NDST4: variants seen among roughly 807,000 people sequenced by gnomAD.
The protein encoded by NDST4 is N-heparan sulfate sulfotransferase 4.
A neutral mutation model predicts 100.8 loss-of-function variants in NDST4; 63 were observed. The observed-to-expected ratio is 0.62, with a 90% CI of 0.51 to 0.77. NDST4 has a LOEUF of 0.77. Ranked by LOEUF, NDST4 falls within the 30% of genes least tolerant of loss-of-function variation. The pLI, the probability that NDST4 is intolerant of heterozygous loss-of-function variation, is 0.00. For synonymous variants in NDST4, 377 were observed against 361.8 expected (o/e 1.04, Z -0.48); for missense variants, 943 against 1,018.4 (o/e 0.93, Z 1.01).
intron 1 of NDST4, among the ~76,000 whole-genome samples, chr4:115,112,097 A>G (rs1231551905): frequency 1.3e-5 from 2 of 151,528 alleles, no homozygotes; most frequent in African/African-American, 4.8e-5. Context: ...ACACACACGC[A>G]CACACTCATG....
At chr4:115,077,437 T>G (rs2126290180) in intron 1 of NDST4, among the ~76,000 whole-genome samples, 155 bp from the exon 2 acceptor site, 1 of 152,306 alleles carries the variant, frequency 6.6e-6, no homozygotes, top group Middle Eastern at 3.4e-3. Flanking sequence ...CAGTCTAGAC[T>G]TAACTACCTA....
Position 114,977,168 on chromosome 4 carries a change from A to G in NDST4, c.1066+19T>C, listed in dbSNP as rs1726657354. 6.7e-7 allele frequency: 1 copy of G among 1,494,604 alleles called. No homozygotes were observed. The highest frequency in any genetic ancestry group is 2.3e-5 in the East Asian group (1 of 43,934). The allele number at this position is 1,494,604 out of a possible 1,614,324, so 92.6% of individuals were successfully genotyped here. A position where few individuals can be genotyped will look rare whatever the true frequency, so the allele number is the denominator to read the frequency against. ...CCTATTTATATGTAGCTGCCTGAGAACACAAAGCTCCTTCTTACCTGTGTG... is the reference window on the plus strand; with the variant it reads ...CCTATTTATATGTAGCTGCCTGAGAGCACAAAGCTCCTTCTTACCTGTGTG... On this transcript the variant is annotated intron_variant, in intron 3 of 13. Transcript: ENST00000264363.
intron 2 of NDST4, among the ~76,000 whole-genome samples, chr4:115,075,077 CT>C (rs1450199793): frequency 6.6e-6 from 1 of 152,088 alleles, no homozygotes; most frequent in East Asian, 1.9e-4. Context: ...CAGGCTGAAT[CT>C]GTTATTCAGT....
chr4:114,874,016 G>A (rs1247777286), intron 6 of NDST4, among the ~76,000 whole-genome samples: 2 of 151,932 alleles, frequency 1.3e-5, no homozygotes, highest in African/African-American at 2.4e-5. Context: ...TCACATTGTT[G>A]TATAACCAGC....
intron 2 of NDST4, among the ~76,000 whole-genome samples, chr4:115,035,236 G>T (rs986830279): frequency 2.6e-5 from 4 of 152,032 alleles, no homozygotes; most frequent in Admixed American, 2.6e-4. Context: ...ATTTCCGGTA[G>T]AAACAAGATT....
At chr4:114,998,723 T>C (rs1727218289) in intron 2 of NDST4, among the ~76,000 whole-genome samples, 1 of 152,076 alleles carries the variant, frequency 6.6e-6, no homozygotes, top group African/African-American at 2.4e-5. Flanking sequence ...ACTTTATCAA[T>C]AGAGTATTTG....
chr4:114,988,537 A>G (rs549217336), intron 2 of NDST4, among the ~76,000 whole-genome samples: 155 of 150,998 alleles, frequency 1.0e-3, no homozygotes, highest in African/African-American at 3.7e-3. Flanking sequence ...AATTTTTTGT[A>G]TTTTTAGTAG....
chr4:115,026,149 A>T (rs1227976977), intron 2 of NDST4, among the ~76,000 whole-genome samples: 2 of 152,004 alleles, frequency 1.3e-5, no homozygotes, highest in Non-Finnish European at 2.9e-5. Context: ...ATGTACTTTA[A>T]CCTTAAGTTA....
chr4:115,045,147 T>C (rs546455864), intron 2 of NDST4, among the ~76,000 whole-genome samples: 4 of 152,156 alleles, frequency 2.6e-5, no homozygotes, highest in African/African-American at 9.6e-5. Context: ...ACCTCAAGTT[T>C]TGCATCCTCA....
In NDST4 at chr4:114,865,945, G is replaced by A. The variant is rs555343894; in HGVS notation, c.1719+4823C>T. ...CCTGAAAGGTATATAACATACTATC[G>A]CTAAGTTAGGAGGAGAAAGATAACA... is the stretch of plus-strand genomic sequence containing the variant. On this transcript the variant is annotated intron_variant, in intron 7 of 13. Transcript: ENST00000264363. Among the ~76,000 whole-genome samples, 26 of 152,200 alleles carry A rather than the reference G, an allele frequency of 1.7e-4. 1 individual carries two copies. The South Asian group carries it at 4.6e-3, about 27-fold the overall frequency.
intron 7 of NDST4, among the ~76,000 whole-genome samples, chr4:114,859,378 T>C (rs970776354): frequency 3.9e-5 from 6 of 152,232 alleles, no homozygotes; most frequent in Admixed American, 6.5e-5. Flanking sequence ...AATTGTGTTA[T>C]AGTTTCTCAA....
chr4:115,015,784 G>A (rs563284683), intron 2 of NDST4, among the ~76,000 whole-genome samples: 3 of 151,884 alleles, frequency 2.0e-5, no homozygotes, highest in African/African-American at 7.3e-5. Context: ...TGTTATCCAC[G>A]GGCTCAGCAA....
intron 2 of NDST4, among the ~76,000 whole-genome samples, chr4:114,979,808 G>GGAGTAAAAATGACAAATTCTAT (rs1726725230): frequency 6.6e-6 from 1 of 151,660 alleles, no homozygotes; most frequent in Non-Finnish European, 1.5e-5. Flanking sequence ...GATTAATGAG[G>GGAGTAAAAATGACAAATTCTAT]GAGTAAAAAT....
intron 2 of NDST4, among the ~76,000 whole-genome samples, chr4:114,995,999 A>T (rs918640765): frequency 1.3e-5 from 2 of 152,168 alleles, no homozygotes; most frequent in Non-Finnish European, 2.9e-5. Flanking sequence ...ACAAAAAACT[A>T]GAATGATCAT....
intron 6 of NDST4, among the ~76,000 whole-genome samples, chr4:114,880,499 G>C (rs1474336050): frequency 6.6e-6 from 1 of 152,070 alleles, no homozygotes; most frequent in Non-Finnish European, 1.5e-5. Context: ...TTCAGCCATG[G>C]GGAGGAGAAA....
rs751099648 is a variant in NDST4, at chr4:115,076,571, C to A, written c.466G>T (p.Glu156Ter). ...NRELLEKYCV[E>*]YSVSIIGFHK... ...AAACCGATTATACTAACACTGTATT[C>A]CACACAGTATTTTTCTAAAAGCTCT... Residue 156 changes from glutamate to a stop codon, truncating the protein, a stop_gained, in exon 2 of 14, where the codon GAA becomes TAA. Transcript: ENST00000264363. LOFTEE classifies it high-confidence loss of function. The A allele has an allele frequency of 1.9e-6, 3 of 1,613,884 alleles. No individual in the cohort carries two copies. Among genetic ancestry groups the A allele is most frequent in the Non-Finnish European group, 2.5e-6 (3 of 1,179,890 alleles).
intron 4 of NDST4, among the ~76,000 whole-genome samples, 156 bp from the exon 5 acceptor site, chr4:114,937,659 T>C (rs891709535): frequency 5.3e-5 from 8 of 152,220 alleles, no homozygotes; most frequent in Non-Finnish European, 8.8e-5. Flanking sequence ...GAGCAGCTCA[T>C]AATCTTATAG....
chr4:115,048,925 C>T (rs915443392), intron 2 of NDST4, among the ~76,000 whole-genome samples: 5 of 151,948 alleles, frequency 3.3e-5, no homozygotes, highest in African/African-American at 1.2e-4. Flanking sequence ...AGGTGTGAGC[C>T]ACTGCGCCCG....
At chr4:114,918,904 T>C (rs1267777838) in intron 6 of NDST4, among the ~76,000 whole-genome samples, 2 of 152,196 alleles carry the variant, frequency 1.3e-5, no homozygotes, top group African/African-American at 2.4e-5. Context: ...CTGCAGATTG[T>C]TTTTTGTTTC....
Sources: allele counts gnomAD v4.1 joint callset (sites outside exome capture counted in the v4.1 genomes callset), GRCh38; gene constraint gnomAD v4.1.1; transcripts MANE v1.5; gene names NCBI Gene and HGNC (gene_info 2026-07-23, HGNC 2026-07-21).